Variants in CUBN observed in about 807,000 individuals in gnomAD.
The protein encoded by CUBN is 460 kDa receptor.
In CUBN, 282 loss-of-function variants were observed where a neutral mutation model predicts 405.3. That is an observed-to-expected ratio of 0.70 (90% confidence interval 0.63 to 0.77). The LOEUF is 0.77. Ranked by LOEUF, CUBN falls within the 30% of genes least tolerant of loss-of-function variation. The pLI, the probability that CUBN is intolerant of heterozygous loss-of-function variation, is 0.00. For missense variants in CUBN, 4,514 were observed against 4,475.2 expected (o/e 1.01, Z -0.25); for synonymous variants, 1,684 against 1,617.0 (o/e 1.04, Z -0.99).
chr10:17,076,436 T>C (rs11254356), intron 17 of CUBN, among the ~76,000 whole-genome samples: 53,472 of 149,874 alleles, frequency 0.36, 11,418 homozygotes, highest in East Asian at 0.56. Flanking sequence ...CTCTGAAGCA[T>C]GTATTGCGTT....
At chr10:16,894,159 T>C (rs1417652528) in intron 54 of CUBN, among the ~76,000 whole-genome samples, 6 of 152,198 alleles carry the variant, frequency 3.9e-5, no homozygotes, top group Non-Finnish European at 8.8e-5. Flanking sequence ...ATGAACAGAC[T>C]GGCTACAGAC....
At chr10:16,825,131 C>G (rs369163344) in intron 66 of CUBN, 49 bp from the exon 67 acceptor site, 50 of 1,370,942 alleles carry the variant, frequency 3.6e-5, no homozygotes, top group Non-Finnish European at 4.5e-5. Context: ...CATATTTGAA[C>G]GTTTTTCTAG....
At chr10:17,116,457 G>A (rs1015405075) in intron 6 of CUBN, among the ~76,000 whole-genome samples, 7 of 152,152 alleles carry the variant, frequency 4.6e-5, no homozygotes, top group Non-Finnish European at 8.8e-5. Flanking sequence ...CAGGCCCAGA[G>A]GTTGCCGATT....
intron 29 of CUBN, among the ~76,000 whole-genome samples, chr10:16,988,716 C>A (rs138547059): frequency 6.6e-6 from 1 of 152,104 alleles, no homozygotes; most frequent in Non-Finnish European, 1.5e-5. Flanking sequence ...TTTCCTGTAA[C>A]GTCCATACTA....
At chr10:17,009,670 C>T (rs142538371) in intron 28 of CUBN, among the ~76,000 whole-genome samples, 15 of 152,282 alleles carry the variant, frequency 9.9e-5, no homozygotes, top group African/African-American at 2.9e-4. Flanking sequence ...ATAGTCAGGG[C>T]CCCACTGCAG....
chr10:16,940,310 G>C, intron 36 of CUBN, 73 bp from the exon 37 acceptor site: 1 of 1,348,338 alleles, frequency 7.4e-7, no homozygotes, highest in Non-Finnish European at 1.1e-6. Flanking sequence ...CGGATCACAT[G>C]CTAGGTTAAC....
chr10:17,065,634 A>G lies in CUBN; in HGVS notation c.3013T>C (p.Cys1005Arg). 2.5e-6 allele frequency: 4 copies of G among 1,613,406 alleles called. No individual in the cohort carries two copies. The highest frequency in any genetic ancestry group is 2.7e-5 in the African/African-American group (2 of 75,018). The stretch of plus-strand genomic sequence containing the variant: ...AGAGATGGCGGGATCGACTTTCCAC[A>G]GTATCTATTCCAAACCAAGAAAGGA... The part of the protein sequence containing the change: ...TDSETSLGRY[C>R]GKSIPPSLTS... The change falls in exon 22 of 67, where the codon TGT (cysteine) becomes CGT (arginine). Residue 1005 changes from cysteine (C) to arginine (R), a missense_variant. Transcript: ENST00000377833.
intron 40 of CUBN, among the ~76,000 whole-genome samples, chr10:16,932,286 G>T (rs1039193783): frequency 6.6e-6 from 1 of 152,144 alleles, no homozygotes; most frequent in Non-Finnish European, 1.5e-5. Context: ...AGACAAACAC[G>T]TTTCTTTTTG....
chr10:17,013,149 T>C (rs570157799), intron 28 of CUBN, among the ~76,000 whole-genome samples: 1 of 152,316 alleles, frequency 6.6e-6, no homozygotes, highest in African/African-American at 2.4e-5. Context: ...ACACTGTTTT[T>C]TCTTTACTAC....
At chr10:16,953,377 C>G (rs1842970303) in intron 32 of CUBN, among the ~76,000 whole-genome samples, 1 of 152,174 alleles carries the variant, frequency 6.6e-6, no homozygotes, top group African/African-American at 2.4e-5. Flanking sequence ...AGACCTCGAT[C>G]CAGGCACTGT....
intron 10 of CUBN, among the ~76,000 whole-genome samples, chr10:17,108,779 T>C (rs562906925): frequency 3.9e-5 from 6 of 152,074 alleles, no homozygotes; most frequent in African/African-American, 1.2e-4. Context: ...GCACTACCAC[T>C]ACAAGATTAA....
At chr10:17,079,955 G>C (rs1234622149) in intron 17 of CUBN, among the ~76,000 whole-genome samples, 3 of 152,184 alleles carry the variant, frequency 2.0e-5, no homozygotes, top group Non-Finnish European at 2.9e-5. Context: ...CGGGGAGGGA[G>C]AAGTAGAGGG....
intron 31 of CUBN, among the ~76,000 whole-genome samples, chr10:16,969,409 C>G (rs1843490711): frequency 1.3e-5 from 2 of 151,364 alleles, no homozygotes; most frequent in African/African-American, 4.9e-5. Flanking sequence ...GGCTGGAGTG[C>G]AGTGGCACGA....
intron 59 of CUBN, among the ~76,000 whole-genome samples, chr10:16,852,572 G>A (rs895036781): frequency 6.6e-6 from 1 of 151,974 alleles, no homozygotes; most frequent in African/African-American, 2.4e-5. Context: ...AGAGCCTTCA[G>A]GTGTCTCCTT....
chr10:17,008,789 C>T (rs759338356), intron 28 of CUBN, among the ~76,000 whole-genome samples: 11 of 152,006 alleles, frequency 7.2e-5, no homozygotes, highest in South Asian at 2.1e-4. Context: ...TGTGTTTTTG[C>T]GTGATGTCTG....
chr10:16,992,034 A>T (rs940164166), intron 28 of CUBN, among the ~76,000 whole-genome samples: 2 of 152,234 alleles, frequency 1.3e-5, no homozygotes, highest in African/African-American at 4.8e-5. Flanking sequence ...AATGTGGCAC[A>T]TATACACCAT....
intron 12 of CUBN, among the ~76,000 whole-genome samples, 192 bp downstream of exon 12, chr10:17,104,227 T>C (rs1411356972): frequency 6.6e-6 from 1 of 152,242 alleles, no homozygotes; most frequent in African/African-American, 2.4e-5. Flanking sequence ...AGAAAAGTTC[T>C]TGGCTTACAG....
chr10:17,120,295 T>C (rs1837006496), intron 6 of CUBN, among the ~76,000 whole-genome samples: 1 of 152,236 alleles, frequency 6.6e-6, no homozygotes, highest in Non-Finnish European at 1.5e-5. Context: ...TCATTTTCTT[T>C]TATTCCCTCA....
intron 59 of CUBN, among the ~76,000 whole-genome samples, chr10:16,860,549 C>T (rs1178162679): frequency 1.3e-5 from 2 of 152,208 alleles, no homozygotes; most frequent in Admixed American, 6.5e-5. Context: ...TGACTACCTA[C>T]TGATCACTAG....
Sources: gnomAD v4.1 joint callset for allele counts (sites outside exome capture counted in the v4.1 genomes callset) on GRCh38, gnomAD v4.1.1 for gene constraint, MANE v1.5 for transcripts, NCBI Gene and HGNC (gene_info 2026-07-23, HGNC 2026-07-21) for gene names.